TTF2: variants seen among roughly 807,000 people sequenced by gnomAD.
TTF2 encodes transcription termination factor 2.
Under a neutral mutation model 142.4 loss-of-function variants are expected in TTF2, and 108 were observed. The ratio of observed to expected loss-of-function variants is 0.76; its 90% CI spans 0.65 to 0.89. The LOEUF is 0.89. Ranked by LOEUF, TTF2 falls within the 40% of genes least tolerant of loss-of-function variation. The pLI, the probability that TTF2 is intolerant of heterozygous loss-of-function variation, is 0.00. For synonymous variants in TTF2, 483 were observed against 506.2 expected, an observed-to-expected ratio of 0.95 and a Z score of 0.61; for missense variants, 1,327 against 1,379.8, an observed-to-expected ratio of 0.96 and a Z score of 0.61.
chr1:117,073,555 C>G lies in TTF2; in HGVS notation c.219-106C>G. On this transcript the variant is annotated intron_variant, in intron 3 of 22. Coordinates refer to ENST00000369466, the MANE Select transcript of TTF2 (RefSeq NM_003594.4). The surrounding 1 kb of genome is among the most constrained non-coding windows in gnomAD (Gnocchi z 4.4). ...ATTGGTTTCAAGTGACCTCCCAAAG[C>G]CAGGTTCAAATAGTTGCAAGATGTT... 9.0e-7 allele frequency: 1 copy of G among 1,110,848 alleles called. No homozygotes were observed. The highest frequency in any genetic ancestry group is 1.8e-5 in the South Asian group (1 of 56,254). 68.8% of individuals were successfully genotyped at this position (1,110,848 alleles called of 1,614,324 possible).
rs1656963293 is a variant in TTF2 at position 117,075,820 on chromosome 1, C to T, written c.1236C>T (p.Ala412=). Residue 412 remains alanine, a synonymous_variant, in exon 5 of 23, where the codon GCC becomes GCT. Coordinates refer to ENST00000369466, the MANE Select transcript of TTF2 (RefSeq NM_003594.4). This position sits in a 1 kb window ranked among gnomAD's most constrained non-coding sequence, Gnocchi z 4.5. ...SKKVEPSDPV[A]RRVYLTTQLK... ...AGGTAGAACCCTCAGACCCAGTAGC[C>T]CGGCGTGTCTACCTTACAACACAAC... 2 of 1,612,986 alleles carry T rather than the reference C, an allele frequency of 1.2e-6. No individual in the cohort carries two copies. The highest frequency in any genetic ancestry group is 1.7e-5 in the Admixed American group (1 of 59,782).
chr1:117,081,350 A>G (rs1338272830), intron 9 of TTF2, among the ~76,000 whole-genome samples: 2 of 152,240 alleles, frequency 1.3e-5, no homozygotes, highest in African/African-American at 4.8e-5. Context: ...GATTGGTACA[A>G]TGACAGTACC....
rs887501083 is a variant in TTF2, at chr1:117,097,254, C to G, written c.3187-97C>G. The G allele has an allele frequency of 5.9e-6, 6 of 1,012,192 alleles. No homozygotes were observed. The highest frequency in any genetic ancestry group is 1.4e-5 in the South Asian group (1 of 72,282). The allele number at this position is 1,012,192 out of a possible 1,614,324, so 62.7% of individuals were successfully genotyped here. A position where few individuals can be genotyped will look rare whatever the true frequency, so the allele number is the denominator to read the frequency against. ...AGCAGAAGGAAATTTGATAGGAACA[C>G]AGTGCTTATCTGTATTGATTGTGGA... On this transcript the variant is annotated intron_variant, in intron 20 of 22. Transcript: ENST00000369466. The surrounding 1 kb of genome is among the most constrained non-coding windows in gnomAD (Gnocchi z 4.1).
chr1:117,061,919 A>T (rs1260567124), intron 2 of TTF2, among the ~76,000 whole-genome samples: 3 of 152,220 alleles, frequency 2.0e-5, no homozygotes, highest in Non-Finnish European at 4.4e-5. Context: ...AAATTTTTTC[A>T]TAATAAGTTG....
rs776321043 is a variant in TTF2, at chr1:117,092,712, T to C, written c.2806-19T>C. 6.2e-7 allele frequency: 1 copy of C among 1,605,292 alleles called. No homozygotes were observed. On this transcript the variant is annotated intron_variant, in intron 17 of 22. Coordinates refer to ENST00000369466, the MANE Select transcript of TTF2 (RefSeq NM_003594.4). This position sits in a 1 kb window ranked among gnomAD's most constrained non-coding sequence, Gnocchi z 4.4. ...CTCCCTTGACTCCCAGCTGCTCCTG[T>C]CCTTTTTTGTCTGTTCAGGCCCTGG...
intron 19 of TTF2, 26 bp from the exon 20 acceptor site, chr1:117,096,122 AT>A (rs751401864): frequency 1.1e-5 from 17 of 1,612,842 alleles, no homozygotes; most frequent in Non-Finnish European, 1.4e-5. Context: ...ATGTTAGGGT[AT>A]TTTTTTATTT....
intron 2 of TTF2, among the ~76,000 whole-genome samples, chr1:117,061,468 G>C (rs1239121679): frequency 6.6e-6 from 1 of 152,170 alleles, no homozygotes; most frequent in African/African-American, 2.4e-5. Flanking sequence ...AAACTTGGTA[G>C]AGAAAAGTTA....
At chr1:117,082,216 A>G (rs1647579709) in intron 10 of TTF2, 1 of 415,578 alleles carries the variant, frequency 2.4e-6, no homozygotes, top group South Asian at 2.1e-5. Context: ...AAGCATAATA[A>G]TAATTCTTAT....
rs560641122 is a variant in TTF2, at chr1:117,093,076, A to T, written c.2976+175A>T. 6.6e-6 allele frequency among the ~76,000 whole-genome samples: 1 copy of T among 152,330 alleles called. No homozygotes were observed. The highest frequency in any genetic ancestry group is 2.1e-4 in the South Asian group (1 of 4,826). ...TCTTAAAGCTTCATTTATTTCACAG[A>T]TAACACTAAAGCCTTACTACATAGG... On this transcript the variant is annotated intron_variant, in intron 18 of 22. Transcript: ENST00000369466. The surrounding 1 kb of genome is among the most constrained non-coding windows in gnomAD (Gnocchi z 4.5).
chr1:117,064,108 A>G (rs1487749121), intron 3 of TTF2, among the ~76,000 whole-genome samples: 3 of 152,184 alleles, frequency 2.0e-5, no homozygotes, highest in Non-Finnish European at 2.9e-5. Flanking sequence ...ATAAAGTATA[A>G]CTTTGGAGAT....
chr1:117,101,387 T>G lies in TTF2; in HGVS notation c.3352T>G (p.Cys1118Gly). The G allele has an allele frequency of 6.3e-7, 1 of 1,581,898 alleles. No homozygotes were observed. Among genetic ancestry groups the G allele is most frequent in the Non-Finnish European group, 8.5e-7 (1 of 1,171,842 alleles). ...TTTGTTTTTGTTTTTTAGATTTGTTTGTGAGGGAACAGTAGAAGAAAAGAT... is the reference window on the plus strand; with the variant it reads ...TTTGTTTTTGTTTTTTAGATTTGTTGGTGAGGGAACAGTAGAAGAAAAGAT... ...QKDVVIHRFV[C>G]EGTVEEKILQ... Residue 1118 changes from cysteine (C) to glycine (G), a missense_variant, in exon 23 of 23, where the codon TGT (cysteine) becomes GGT (glycine). By Grantham distance (159) the Cys-to-Gly change is radical (BLOSUM62 -3). Coordinates refer to ENST00000369466, the MANE Select transcript of TTF2 (RefSeq NM_003594.4). The surrounding 1 kb of genome is among the most constrained non-coding windows in gnomAD (Gnocchi z 5.9).
In TTF2 at chr1:117,081,953, CA is replaced by C. The variant is rs1236530004; in HGVS notation, c.1903+7del. ...GACGTGGCTCTCCAAAGATGGTAGA[CA>C]GAAGTGCCTTAATAGCCTGCCATTC... is the stretch of plus-strand genomic sequence containing the variant. On this transcript the variant is annotated splice_region_variant and intron_variant, in intron 10 of 22. Coordinates refer to ENST00000369466, the MANE Select transcript of TTF2 (RefSeq NM_003594.4). 1.2e-6 allele frequency: 2 copies of C among 1,614,034 alleles called. No homozygotes were observed. Among genetic ancestry groups the C allele is most frequent in the Admixed American group, 3.3e-5 (2 of 60,010 alleles).
intron 3 of TTF2, among the ~76,000 whole-genome samples, chr1:117,071,780 GT>G (rs1262981014): frequency 1.3e-5 from 2 of 152,072 alleles, no homozygotes; most frequent in African/African-American, 4.8e-5. Flanking sequence ...ATCATGTATG[GT>G]TTTTGCCCTC....
rs1401110566 is a variant in TTF2, at chr1:117,080,009, T to C, written c.1783+360T>C. 2.2e-5 allele frequency among the ~76,000 whole-genome samples: 3 copies of C among 135,426 alleles called. No homozygotes were observed. Among genetic ancestry groups the C allele is most frequent in the African/African-American group, 5.8e-5 (2 of 34,454 alleles). 88.8% of individuals were successfully genotyped at this position (135,426 alleles called of 152,430 possible). A position where few individuals can be genotyped will look rare whatever the true frequency, so the allele number is the denominator to read the frequency against. On this transcript the variant is annotated intron_variant, in intron 9 of 22. Transcript: ENST00000369466. This position sits in a 1 kb window ranked among gnomAD's most constrained non-coding sequence, Gnocchi z 4.3. ...CAAACAGCAGTCTATTGCCTCCCTC[T>C]TTTTTTTTTTTTTTTTTGAGATGGA...
chr1:117,094,876 G>A (rs929564661), intron 18 of TTF2: 3 of 338,990 alleles, frequency 8.8e-6, no homozygotes, highest in South Asian at 4.6e-5. Context: ...TGGGGGTTGG[G>A]AGGACCTCCA....
intron 18 of TTF2, chr1:117,094,585 A>T (rs1648924023): frequency 2.1e-6 from 1 of 471,638 alleles, no homozygotes; most frequent in Admixed American, 2.3e-5. Flanking sequence ...CCTTTTCAAC[A>T]ACATTTGGAG....
At position 117,089,822 on chromosome 1, in the gene TTF2, C is replaced by T. The variant is rs1364486454; in HGVS notation, c.2343-233C>T. On this transcript the variant is annotated intron_variant, in intron 13 of 22. Coordinates refer to ENST00000369466, the MANE Select transcript of TTF2 (RefSeq NM_003594.4). ...TTGGTTATATGTCTTGTTGTGACAG[C>T]GTAGGCATCGTTAATAGGAAAACTC... Among the ~76,000 whole-genome samples the T allele has an allele frequency of 2.6e-5, 4 of 152,146 alleles. No individual in the cohort carries two copies. The South Asian group carries it at 6.2e-4, about 24-fold the overall frequency.
At chr1:117,095,248 G>C in intron 18 of TTF2, 61 bp from the exon 19 acceptor site, 1 of 1,549,144 alleles carries the variant, frequency 6.5e-7, no homozygotes, top group Non-Finnish European at 8.9e-7. Flanking sequence ...CATGGCAGGT[G>C]AGGGGAGATG....
Position 117,077,969 on chromosome 1 carries a change from A to C in TTF2, c.1627A>C (p.Ile543Leu). The change falls in exon 8 of 23, where the codon ATC becomes CTC. Residue 543 changes from isoleucine (I) to leucine (L), a missense_variant. Coordinates refer to ENST00000369466, the MANE Select transcript of TTF2 (RefSeq NM_003594.4). ...AGTGTGGAAAATCACAAGTGAAGCC[A>C]TCGGTCAACTGCATCGCTCACTTGA... ...HAVWKITSEA[I>L]GQLHRSLESC... The C allele has an allele frequency of 6.2e-7, 1 of 1,614,218 alleles. No individual in the cohort carries two copies. The highest frequency in any genetic ancestry group is 8.5e-7 in the Non-Finnish European group (1 of 1,180,030).
Sources: allele counts gnomAD v4.1 joint callset (sites outside exome capture counted in the v4.1 genomes callset), GRCh38; gene constraint gnomAD v4.1.1; non-coding constraint Gnocchi (gnomAD v3.1); transcripts MANE v1.5; gene names NCBI Gene and HGNC (gene_info 2026-07-23, HGNC 2026-07-21).